EPB41L3: variants seen among roughly 807,000 people sequenced by gnomAD.
The protein encoded by EPB41L3 is erythrocyte membrane protein band 4.1 like 3, also known as band 4.1-like protein 3.
A neutral mutation model predicts 127.1 loss-of-function variants in EPB41L3; 57 were observed. That is an observed-to-expected ratio of 0.45 (90% CI 0.36 to 0.56). The LOEUF (loss-of-function observed/expected upper bound fraction) is 0.56. EPB41L3 is among the 20% of genes least tolerant of loss of function. The pLI, the probability that EPB41L3 is intolerant of heterozygous loss-of-function variation, is 0.00. For missense variants in EPB41L3, 1,273 were observed against 1,372.2 expected (o/e 0.93, Z 1.14); for synonymous variants, 572 against 549.5 (o/e 1.04, Z -0.57).
chr18:5,544,396 A>C, upstream of EPB41L3: 3 of 835,108 alleles, frequency 3.6e-6, no homozygotes, highest in South Asian at 1.1e-4. Context: ...TTTATTGGCT[A>C]GGGACTGCAG....
intron 1 of EPB41L3, among the ~76,000 whole-genome samples, chr18:5,505,885 A>C (rs927897363): frequency 4.9e-5 from 5 of 101,412 alleles, no homozygotes; most frequent in South Asian, 3.7e-4. Flanking sequence ...CTTCACCTCC[A>C]CCCCTACCCT....
chr18:5,594,058 G>A (rs1425458303), intron 3 of EPB41L3, among the ~76,000 whole-genome samples: 2 of 152,158 alleles, frequency 1.3e-5, no homozygotes, highest in Non-Finnish European at 2.9e-5. Context: ...CTCCTCAGCT[G>A]ACAGGATTAA....
intron 2 of EPB41L3, among the ~76,000 whole-genome samples, chr18:5,482,746 T>A (rs1283032278): frequency 1.3e-5 from 2 of 152,076 alleles, no homozygotes; most frequent in Non-Finnish European, 2.9e-5. Flanking sequence ...CTAAGAATAT[T>A]GCATCCAACA....
rs770878710 is a variant in EPB41L3, at chr18:5,423,552, G to A, written c.1165C>T (p.Leu389=). 17 of 1,600,044 alleles carry A rather than the reference G, an allele frequency of 1.1e-5. No homozygotes were observed. In the South Asian group the frequency reaches 1.7e-4, roughly 16 times the overall value. ...TTGGGAGGTGCTTCTGGTAACAGTA[G>A]TCTAAAGAGAATAAAGAAAAACAGC... ...VCVEHHTFFR[L]LLPEAPPKKF... The change falls in exon 11 of 23, where the codon CTA becomes TTA. Residue 389 remains leucine, a splice_region_variant and synonymous_variant. Coordinates refer to ENST00000341928, the MANE Select transcript of EPB41L3 (RefSeq NM_012307.5).
chr18:5,509,534 G>C (rs2092410150), intron 1 of EPB41L3, among the ~76,000 whole-genome samples: 1 of 152,192 alleles, frequency 6.6e-6, no homozygotes. Context: ...AATCGAAGGA[G>C]ATCAAAAGGT....
At chr18:5,402,967 C>T (rs72866810) in intron 16 of EPB41L3, among the ~76,000 whole-genome samples, 3,550 of 152,230 alleles carry the variant, frequency 0.023, 67 homozygotes, top group South Asian at 0.071. Context: ...ACAGTGAACA[C>T]GCCTGTAAAA....
In EPB41L3 at chr18:5,572,490, A is replaced by G. The variant is rs188129846; in HGVS notation, c.-306+39850T>C. On this transcript the variant is annotated intron_variant, in intron 3 of 21. Coordinates refer to the EPB41L3 transcript ENST00000545076. ...GGGATGTGAATTTAAACAACTAACAACAAACAAAACAGTCACATGGAAGAG... is the reference window on the plus strand; with the variant it reads ...GGGATGTGAATTTAAACAACTAACAGCAAACAAAACAGTCACATGGAAGAG... 7.9e-5 allele frequency among the ~76,000 whole-genome samples: 12 copies of G among 152,310 alleles called. 1 individual carries two copies. The highest frequency in any genetic ancestry group is 2.2e-4 in the African/African-American group (9 of 41,582).
chr18:5,615,470 C>T, intron 1 of EPB41L3, among the ~76,000 whole-genome samples: 1 of 151,830 alleles, frequency 6.6e-6, no homozygotes, highest in East Asian at 1.9e-4. Flanking sequence ...CTAATGGGTA[C>T]AAAAAAACTA....
At chr18:5,582,010 C>T (rs1049754846) in intron 3 of EPB41L3, among the ~76,000 whole-genome samples, 1 of 151,892 alleles carries the variant, frequency 6.6e-6, no homozygotes, top group African/African-American at 2.4e-5. Context: ...AACAAACAAA[C>T]AAAAAAGATT....
At chr18:5,410,077 CTTATT>C (rs1476883015) in intron 14 of EPB41L3, among the ~76,000 whole-genome samples, 3 of 152,082 alleles carry the variant, frequency 2.0e-5, no homozygotes, top group Non-Finnish European at 4.4e-5. Flanking sequence ...TCAGGTAAGT[CTTATT>C]TTAACAATAA....
rs78034783 is a variant in EPB41L3 at position 5,560,892 on chromosome 18, A to C, written c.-306+51448T>G. 2.6e-3 allele frequency among the ~76,000 whole-genome samples: 394 copies of C among 152,224 alleles called. 2 individuals carry two copies. Among genetic ancestry groups the C allele is most frequent in the African/African-American group, 9.2e-3 (382 of 41,528 alleles). ...TAAAAGACTAGTGATCGGCTGCATG[A>C]CATGTCCAATGAGAAATTTTAATTT... On this transcript the variant is annotated intron_variant, in intron 3 of 21. Coordinates refer to the EPB41L3 transcript ENST00000545076.
chr18:5,431,902 G>A (rs2079058336), intron 8 of EPB41L3, among the ~76,000 whole-genome samples: 1 of 152,090 alleles, frequency 6.6e-6, no homozygotes, highest in African/African-American at 2.4e-5. Flanking sequence ...TGCAAAATAG[G>A]TGAAAAAGTG....
rs2081991291 is a variant in EPB41L3 at position 5,449,503 on chromosome 18, T to A, written c.382-4259A>T. Among the ~76,000 whole-genome samples the A allele has an allele frequency of 2.0e-5, 3 of 152,216 alleles. 1 individual carries two copies. The highest frequency in any genetic ancestry group is 2.0e-4 in the Admixed American group (3 of 15,284). ...TCTACCTAAATGAGTTGAAAACGTA[T>A]GTCCACTCAAAAACTTGCACACAAA... On this transcript the variant is annotated intron_variant, in intron 3 of 22. Coordinates refer to ENST00000341928, the MANE Select transcript of EPB41L3 (RefSeq NM_012307.5).
chr18:5,468,288 G>A (rs1002816375), intron 3 of EPB41L3, among the ~76,000 whole-genome samples: 5 of 152,166 alleles, frequency 3.3e-5, no homozygotes, highest in African/African-American at 9.6e-5. Context: ...CAGGCTCCTG[G>A]CAGAAAGGGG....
At chr18:5,621,945 G>A (rs1208211773) in intron 1 of EPB41L3, among the ~76,000 whole-genome samples, 4 of 152,140 alleles carry the variant, frequency 2.6e-5, no homozygotes, top group Non-Finnish European at 4.4e-5. Flanking sequence ...GAATGATACA[G>A]ATACAGAGGA....
chr18:5,585,281 T>C (rs1285377622), intron 3 of EPB41L3, among the ~76,000 whole-genome samples: 1 of 152,176 alleles, frequency 6.6e-6, no homozygotes, highest in East Asian at 1.9e-4. Context: ...GAATAAGACA[T>C]AAGGATCTTA....
intron 2 of EPB41L3, among the ~76,000 whole-genome samples, chr18:5,613,177 C>T (rs1224488060): frequency 6.6e-6 from 1 of 152,156 alleles, no homozygotes; most frequent in Non-Finnish European, 1.5e-5. Context: ...GGTAGGAGTT[C>T]AGTCATCTCT....
chr18:5,396,560 T>C (rs1382312599), intron 18 of EPB41L3, among the ~76,000 whole-genome samples: 1 of 151,856 alleles, frequency 6.6e-6, no homozygotes, highest in Non-Finnish European at 1.5e-5. Flanking sequence ...TTGAAGGCAA[T>C]AAAAAAAAGT....
At chr18:5,399,107 C>T (rs1243189346) in intron 16 of EPB41L3, 1 of 399,024 alleles carries the variant, frequency 2.5e-6, no homozygotes, top group Non-Finnish European at 4.4e-6. Context: ...CTTTCTCACC[C>T]TCTTTAGCTT....
Sources: gnomAD v4.1 joint callset for allele counts (sites outside exome capture counted in the v4.1 genomes callset) on GRCh38, gnomAD v4.1.1 for gene constraint, MANE v1.5 for transcripts, NCBI Gene and HGNC (gene_info 2026-07-23, HGNC 2026-07-21) for gene names.